The following NOS1AP variants were observed in gnomAD, a reference collection of about 807,000 sequenced individuals.
NOS1AP encodes nitric oxide synthase 1 adaptor protein.
Under a neutral mutation model 56.2 loss-of-function variants are expected in NOS1AP, and 21 were observed. The ratio of observed to expected loss-of-function variants is 0.37; its 90% CI spans 0.26 to 0.54. The LOEUF is 0.54. NOS1AP is among the 20% of genes least tolerant of loss of function. The probability of loss-of-function intolerance (pLI) is 0.84; values close to 1 mark genes in which losing one functional copy is unlikely to be tolerated. For synonymous variants in NOS1AP, 270 were observed against 274.6 expected (o/e 0.98, Z 0.17); for missense variants, 522 against 657.8 (o/e 0.79, Z 2.26).
At chr1:162,147,495 T>C (rs1334001603) in intron 1 of NOS1AP, among the ~76,000 whole-genome samples, 1 of 152,164 alleles carries the variant, frequency 6.6e-6, no homozygotes, top group Non-Finnish European at 1.5e-5. Flanking sequence ...TGTTTCGAGC[T>C]TTCTGTCTTG....
intron 1 of NOS1AP, among the ~76,000 whole-genome samples, chr1:162,144,017 G>A (rs552586943): frequency 1.6e-4 from 25 of 152,216 alleles, no homozygotes; most frequent in African/African-American, 5.5e-4. Context: ...TCCCTCCTTC[G>A]GTGTCATGGC....
intron 2 of NOS1AP, among the ~76,000 whole-genome samples, chr1:162,260,402 G>C (rs1427287118): frequency 6.6e-6 from 1 of 151,986 alleles, no homozygotes; most frequent in African/African-American, 2.4e-5. Context: ...TTGTCTCTAG[G>C]GCTTGGTATT....
At chr1:162,336,390 ATTG>A (rs1435880476) in intron 5 of NOS1AP, among the ~76,000 whole-genome samples, 9 of 152,240 alleles carry the variant, frequency 5.9e-5, no homozygotes, top group African/African-American at 2.2e-4. Context: ...CCATTATACT[ATTG>A]TTGTTGGCTC....
chr1:162,267,299 A>G (rs548394997), intron 2 of NOS1AP, among the ~76,000 whole-genome samples: 1 of 152,286 alleles, frequency 6.6e-6, no homozygotes, highest in East Asian at 1.9e-4. Context: ...GGAGAATTAT[A>G]CTAGAGTTTT....
chr1:162,074,787 C>G (rs917604495), intron 1 of NOS1AP, among the ~76,000 whole-genome samples: 1 of 152,174 alleles, frequency 6.6e-6, no homozygotes, highest in Non-Finnish European at 1.5e-5. Context: ...CTGGAATGTT[C>G]AAGAAGGCTT....
At chr1:162,294,653 G>A (rs1655393212) in intron 3 of NOS1AP, among the ~76,000 whole-genome samples, 1 of 152,156 alleles carries the variant, frequency 6.6e-6, no homozygotes, top group African/African-American at 2.4e-5. Flanking sequence ...AAGAGAAGAG[G>A]GGAAGGGAGG....
intron 1 of NOS1AP, among the ~76,000 whole-genome samples, chr1:162,079,023 C>G (rs6664501): frequency 0.087 from 13,303 of 152,206 alleles, 1,945 homozygotes; most frequent in African/African-American, 0.3. Flanking sequence ...GAGATGATCC[C>G]TATAAGATGG....
At chr1:162,207,083 A>T (rs1412900875) in intron 2 of NOS1AP, among the ~76,000 whole-genome samples, 4 of 152,350 alleles carry the variant, frequency 2.6e-5, no homozygotes, top group Admixed American at 2.0e-4. Flanking sequence ...TTTTTATCAC[A>T]TAATTAGAGG....
At chr1:162,302,494 C>G (rs1316234171) in intron 4 of NOS1AP, among the ~76,000 whole-genome samples, 1 of 152,124 alleles carries the variant, frequency 6.6e-6, no homozygotes, top group Non-Finnish European at 1.5e-5. Context: ...GGAAGAGTTT[C>G]TTGGCTTTAT....
intron 2 of NOS1AP, among the ~76,000 whole-genome samples, chr1:162,187,242 C>T (rs1185909211): frequency 6.6e-6 from 1 of 152,204 alleles, no homozygotes; most frequent in Non-Finnish European, 1.5e-5. Flanking sequence ...GCTAGGATTA[C>T]AGGCATGAGC....
intron 4 of NOS1AP, among the ~76,000 whole-genome samples, chr1:162,328,653 G>T (rs1266821341): frequency 6.6e-6 from 1 of 152,198 alleles, no homozygotes; most frequent in African/African-American, 2.4e-5. Context: ...AATGACCAGG[G>T]TGTCCCAGCT....
intron 2 of NOS1AP, among the ~76,000 whole-genome samples, chr1:162,198,003 C>T (rs1017164335): frequency 7.9e-5 from 12 of 152,244 alleles, no homozygotes; most frequent in Non-Finnish European, 1.5e-4. Context: ...CTTCATCCTA[C>T]CTGCCATGGG....
At chr1:162,153,970 C>CT (rs141108657) in intron 1 of NOS1AP, among the ~76,000 whole-genome samples, 14,236 of 138,798 alleles carry the variant, frequency 0.1, 864 homozygotes, top group African/African-American at 0.17. Context: ...GGTATATATT[C>CT]TTTTTTTTTT....
At chr1:162,252,942 G>A (rs1341944738) in intron 2 of NOS1AP, among the ~76,000 whole-genome samples, 1 of 152,222 alleles carries the variant, frequency 6.6e-6, no homozygotes, top group Non-Finnish European at 1.5e-5. Flanking sequence ...CTGTTGGGCA[G>A]TGCTCTTCTA....
chr1:162,295,805 A>C (rs547830642), intron 3 of NOS1AP, among the ~76,000 whole-genome samples: 3 of 152,334 alleles, frequency 2.0e-5, no homozygotes, highest in South Asian at 4.1e-4. Context: ...TGGAGTCAGC[A>C]CTAGTCCAAA....
rs115631089 is a variant in NOS1AP, at chr1:162,244,149, G to A, written c.178-43195G>A. Among the ~76,000 whole-genome samples the A allele has an allele frequency of 4.1e-3, 627 of 152,254 alleles. 4 individuals carry two copies. Among genetic ancestry groups the A allele is most frequent in the African/African-American group, 0.014 (593 of 41,528 alleles). On this transcript the variant is annotated intron_variant, in intron 2 of 9. Transcript: ENST00000361897. ...TATATCCCTGAAGTTGAGTGAGTAG[G>A]CATGGGATGGAGGAGAGAAGGATCC...
At chr1:162,087,073 A>G (rs892945115) in intron 1 of NOS1AP, among the ~76,000 whole-genome samples, 12 of 152,026 alleles carry the variant, frequency 7.9e-5, no homozygotes, top group African/African-American at 2.9e-4. Flanking sequence ...GAACTTTTGT[A>G]TTTTCTGCAG....
At chr1:162,284,984 T>A (rs1004863803) in intron 2 of NOS1AP, among the ~76,000 whole-genome samples, 12 of 152,134 alleles carry the variant, frequency 7.9e-5, no homozygotes, top group Non-Finnish European at 5.9e-5. Flanking sequence ...CTGGGGAGAA[T>A]GATGTAGTGT....
chr1:162,171,418 T>C (rs1650775564), intron 2 of NOS1AP, among the ~76,000 whole-genome samples: 1 of 152,174 alleles, frequency 6.6e-6, no homozygotes, highest in African/African-American at 2.4e-5. Context: ...GGGCTGCTCA[T>C]CATGGTCTTG....
Sources: gnomAD v4.1 joint callset for allele counts (sites outside exome capture counted in the v4.1 genomes callset) on GRCh38, gnomAD v4.1.1 for gene constraint, MANE v1.5 for transcripts, NCBI Gene and HGNC (gene_info 2026-07-23, HGNC 2026-07-21) for gene names.